USP34: variants seen among roughly 807,000 people sequenced by gnomAD.
The protein encoded by USP34 is ubiquitin specific peptidase 34.
Under a neutral mutation model 460.3 loss-of-function variants are expected in USP34, and 70 were observed. The ratio of observed to expected loss-of-function variants is 0.15; its 90% CI spans 0.13 to 0.19. The LOEUF (loss-of-function observed/expected upper bound fraction) is 0.19. Ranked by LOEUF, USP34 falls within the 10% of genes least tolerant of loss-of-function variation. The probability of loss-of-function intolerance (pLI) is 1.00; values close to 1 mark genes in which losing one functional copy is unlikely to be tolerated. For synonymous variants in USP34, 1,647 were observed against 1,405.3 expected (o/e 1.17, Z -3.85); for missense variants, 3,985 against 4,236.2 (o/e 0.94, Z 1.65).
At position 61,227,054 on chromosome 2, in the gene USP34, C is replaced by A. The variant is rs377619936; in HGVS notation, c.7595+13G>T. 1.4e-5 allele frequency: 22 copies of A among 1,574,474 alleles called. No homozygotes were observed. Among genetic ancestry groups the A allele is most frequent in the South Asian group, 3.6e-5 (3 of 83,896 alleles). The stretch of plus-strand genomic sequence containing the variant: ...AAACATGCTTTAAACATTTTAAATT[C>A]GAAACATTTCACCTTTCTGATCGAG... On this transcript the variant is annotated intron_variant, in intron 62 of 79. Coordinates refer to ENST00000398571, the MANE Select transcript of USP34 (RefSeq NM_014709.4).
At position 61,216,586 on chromosome 2, in the gene USP34, T is replaced by C. The variant is rs142369000; in HGVS notation, c.8048-1892A>G. Among the ~76,000 whole-genome samples the C allele has an allele frequency of 2.8e-3, 417 of 148,124 alleles. 1 individual carries two copies. Among genetic ancestry groups the C allele is most frequent in the African/African-American group, 9.7e-3 (387 of 39,984 alleles). On this transcript the variant is annotated intron_variant, in intron 67 of 79. Coordinates refer to ENST00000398571, the MANE Select transcript of USP34 (RefSeq NM_014709.4). ...CTGCACTCCAGCCTGGGTGACTGAG[T>C]GAGACTCCATCTCAAAAAACAACAA...
At position 61,321,677 on chromosome 2, in the gene USP34, G is replaced by A. The variant is rs572763441; in HGVS notation, c.3014-2350C>T. 3.9e-5 allele frequency among the ~76,000 whole-genome samples: 6 copies of A among 152,226 alleles called. No homozygotes were observed. In the South Asian group the frequency reaches 1.2e-3, roughly 32 times the overall value. On this transcript the variant is annotated intron_variant, in intron 21 of 79. Coordinates refer to ENST00000398571, the MANE Select transcript of USP34 (RefSeq NM_014709.4). ...ACATAATTTATGTTTTTAAAATGTA[G>A]TTTAAGATAACCCATATGTAAATCA... is the stretch of plus-strand genomic sequence containing the variant.
chr2:61,453,944 C>T (rs929020229), intron 1 of USP34, among the ~76,000 whole-genome samples: 9 of 151,612 alleles, frequency 5.9e-5, no homozygotes, highest in East Asian at 3.9e-4. Context: ...TCATCATGTT[C>T]GCTCATGTTT....
In USP34 at chr2:61,314,879, A is replaced by C. The variant is rs1212121251; in HGVS notation, c.3378T>G (p.Ile1126Met). 6.2e-7 allele frequency: 1 copy of C among 1,607,904 alleles called. No individual in the cohort carries two copies. Among genetic ancestry groups the C allele is most frequent in the Non-Finnish European group, 8.5e-7 (1 of 1,178,454 alleles). The change falls in exon 24 of 80, where the codon ATT (isoleucine) becomes ATG (methionine). Residue 1126 changes from isoleucine (I) to methionine (M), a missense_variant. Transcript: ENST00000398571. ...AAIQYINSYYINGKTGLEKEQ... is the reference protein window; with the variant it reads ...AAIQYINSYYMNGKTGLEKEQ... ...ACAATGTTTCAAATCACTTACCATT[A>C]ATATAATAGGAGTTAATATACTGGA...
intron 1 of USP34, among the ~76,000 whole-genome samples, chr2:61,444,884 G>C (rs929817483): frequency 7.0e-6 from 1 of 143,358 alleles, no homozygotes; most frequent in Non-Finnish European, 1.5e-5. Context: ...CTGCCTTATC[G>C]TTTCTTTCTT....
chr2:61,344,860 G>C (rs971601689), intron 15 of USP34, among the ~76,000 whole-genome samples: 4 of 152,112 alleles, frequency 2.6e-5, no homozygotes, highest in Non-Finnish European at 5.9e-5. Flanking sequence ...AGATATTTTT[G>C]GTTGTCAAAA....
chr2:61,240,758 C>T (rs1015764327), intron 53 of USP34, among the ~76,000 whole-genome samples: 1 of 151,634 alleles, frequency 6.6e-6, no homozygotes, highest in Non-Finnish European at 1.5e-5. Flanking sequence ...ATTTTTAGTA[C>T]AGCTGCAGTT....
At chr2:61,419,879 ACT>A (rs1694307735) in intron 2 of USP34, among the ~76,000 whole-genome samples, 1 of 152,210 alleles carries the variant, frequency 6.6e-6, no homozygotes, top group Admixed American at 6.5e-5. Context: ...ATTCAGTGAG[ACT>A]CAGAAAAGAA....
At chr2:61,452,244 T>G (rs1695302318) in intron 1 of USP34, among the ~76,000 whole-genome samples, 1 of 147,452 alleles carries the variant, frequency 6.8e-6, no homozygotes, top group African/African-American at 2.5e-5. Flanking sequence ...CCTTTCTAAA[T>G]AACAAAAGAC....
At chr2:61,301,225 GAAGTA>G (rs1690213986) in intron 28 of USP34, 65 bp from the exon 29 acceptor site, 3 of 1,536,528 alleles carry the variant, frequency 2.0e-6, no homozygotes, top group Non-Finnish European at 2.6e-6. Context: ...CGGTAAATCT[GAAGTA>G]TAGAATCACT....
chr2:61,402,628 A>T (rs1200488246), intron 3 of USP34, among the ~76,000 whole-genome samples: 1 of 152,214 alleles, frequency 6.6e-6, no homozygotes, highest in Non-Finnish European at 1.5e-5. Flanking sequence ...ATACTAACAC[A>T]TGAGTTTTGA....
At chr2:61,299,556 C>A (rs1558517008) in intron 29 of USP34, among the ~76,000 whole-genome samples, 1 of 151,918 alleles carries the variant, frequency 6.6e-6, no homozygotes, top group Non-Finnish European at 1.5e-5. Context: ...AGTTTGAAAC[C>A]AACCTGGGCA....
intron 65 of USP34, 132 bp downstream of exon 65, chr2:61,222,487 A>T (rs1282278417): frequency 1.1e-5 from 7 of 650,402 alleles, no homozygotes; most frequent in Non-Finnish European, 1.9e-5. Context: ...CACATTATAC[A>T]CTTAAAAATA....
intron 48 of USP34, among the ~76,000 whole-genome samples, chr2:61,255,059 C>T (rs965513260): frequency 6.6e-6 from 1 of 152,132 alleles, no homozygotes; most frequent in African/African-American, 2.4e-5. Context: ...CCCTCAAACT[C>T]CTGGGCTCAA....
At chr2:61,194,625 A>C (rs1686741753) in intron 75 of USP34, among the ~76,000 whole-genome samples, 1 of 152,200 alleles carries the variant, frequency 6.6e-6, no homozygotes, top group Non-Finnish European at 1.5e-5. Flanking sequence ...TAGCCTCCGT[A>C]GTAGCTAAGA....
intron 18 of USP34, among the ~76,000 whole-genome samples, chr2:61,338,990 C>T (rs1271829719): frequency 6.6e-6 from 1 of 152,164 alleles, no homozygotes; most frequent in Non-Finnish European, 1.5e-5. Context: ...AGTAAAATTT[C>T]ACTTAACTTA....
In USP34 at chr2:61,188,895, G is replaced by A. The variant is rs372146795; in HGVS notation, c.10033+15C>T. ...TCCCACCCTAAAGGTAATGATAGTA[G>A]TCCATAAAGCTAACCTTTAGTTTTT... On this transcript the variant is annotated intron_variant, in intron 79 of 79. Coordinates refer to ENST00000398571, the MANE Select transcript of USP34 (RefSeq NM_014709.4). The A allele has an allele frequency of 8.7e-6, 14 of 1,613,788 alleles. No homozygotes were observed. In the East Asian group the frequency reaches 2.5e-4, roughly 28 times the overall value.
intron 58 of USP34, among the ~76,000 whole-genome samples, chr2:61,231,175 A>C (rs1687884550): frequency 6.6e-6 from 1 of 152,200 alleles, no homozygotes; most frequent in Non-Finnish European, 1.5e-5. Context: ...ATTTATATGA[A>C]ATGGTCAAAA....
chr2:61,205,440 A>G (rs1367775023), intron 72 of USP34, among the ~76,000 whole-genome samples: 1 of 152,178 alleles, frequency 6.6e-6, no homozygotes, highest in Non-Finnish European at 1.5e-5. Flanking sequence ...CTGCTTATAT[A>G]TGACAGCCAG....
Sources: gnomAD v4.1 joint callset for allele counts (sites outside exome capture counted in the v4.1 genomes callset) on GRCh38, gnomAD v4.1.1 for gene constraint, MANE v1.5 for transcripts, NCBI Gene and HGNC (gene_info 2026-07-23, HGNC 2026-07-21) for gene names.